The following NCK1 variants were observed in gnomAD, a reference collection of about 807,000 sequenced individuals.
The protein encoded by NCK1 is NCK adaptor protein 1, also known as SH2/SH3 adapter protein NCK1.
A neutral mutation model predicts 36.6 loss-of-function variants in NCK1; 19 were observed. The ratio of observed to expected loss-of-function variants is 0.52; its 90% CI spans 0.36 to 0.76. The LOEUF (loss-of-function observed/expected upper bound fraction) is 0.76. NCK1 is among the 30% of genes least tolerant of loss of function. The pLI is 0.00. For synonymous variants in NCK1, 165 were observed against 156.0 expected (o/e 1.06, Z -0.43); for missense variants, 358 against 445.6 (o/e 0.80, Z 1.77).
chr3:136,936,788 A>C (rs1940542684), intron 2 of NCK1, among the ~76,000 whole-genome samples: 1 of 152,152 alleles, frequency 6.6e-6, no homozygotes, highest in African/African-American at 2.4e-5. Flanking sequence ...AGTTGGAACA[A>C]TCTTTATTCA....
At chr3:136,865,788 T>C (rs990163282) in intron 1 of NCK1, among the ~76,000 whole-genome samples, 1 of 152,250 alleles carries the variant, frequency 6.6e-6, no homozygotes, top group Non-Finnish European at 1.5e-5. Context: ...ACTTTATGTC[T>C]GGCTGATCCT....
intron 1 of NCK1, among the ~76,000 whole-genome samples, chr3:136,866,052 T>C (rs1180848089): frequency 1.3e-5 from 2 of 152,242 alleles, no homozygotes; most frequent in East Asian, 1.9e-4. Flanking sequence ...CTTAGAATTA[T>C]GCTTCAAACA....
chr3:136,936,058 T>C (rs1236647590), intron 2 of NCK1, among the ~76,000 whole-genome samples: 3 of 118,286 alleles, frequency 2.5e-5, no homozygotes, highest in Non-Finnish European at 5.4e-5. Context: ...TTTTTTTTTC[T>C]GAGACAGAGT....
chr3:136,884,959 G>A (rs975739188), intron 1 of NCK1, among the ~76,000 whole-genome samples: 1 of 152,102 alleles, frequency 6.6e-6, no homozygotes, highest in African/African-American at 2.4e-5. Context: ...GACCTCAAGT[G>A]ATCTGCCCAC....
At chr3:136,872,919 T>G (rs986778309) in intron 1 of NCK1, among the ~76,000 whole-genome samples, 1 of 152,186 alleles carries the variant, frequency 6.6e-6, no homozygotes, top group African/African-American at 2.4e-5. Context: ...AGAAGATGTA[T>G]GGAAATGCTT....
chr3:136,926,191 C>T (rs933040045), intron 1 of NCK1, among the ~76,000 whole-genome samples: 1 of 151,694 alleles, frequency 6.6e-6, no homozygotes, highest in Non-Finnish European at 1.5e-5. Context: ...GTTTCTTTAA[C>T]TTTTCTAACT....
intron 1 of NCK1, among the ~76,000 whole-genome samples, chr3:136,922,075 G>A (rs1003856860): frequency 5.3e-5 from 8 of 152,216 alleles, no homozygotes; most frequent in African/African-American, 1.9e-4. Context: ...GAGCCACCGC[G>A]CCCGGCCACT....
intron 2 of NCK1, among the ~76,000 whole-genome samples, chr3:136,929,172 A>G (rs1026893465): frequency 1.3e-5 from 2 of 151,906 alleles, no homozygotes; most frequent in African/African-American, 4.8e-5. Context: ...GGCTCAAGCA[A>G]CCCTCCCACC....
intron 1 of NCK1, among the ~76,000 whole-genome samples, chr3:136,907,349 T>C (rs1939712128): frequency 6.6e-6 from 1 of 151,982 alleles, no homozygotes; most frequent in African/African-American, 2.4e-5. Flanking sequence ...CATGACAAAG[T>C]CTGGTGGGGG....
At chr3:136,928,299 T>TCTGGCAG in intron 2 of NCK1, 72 bp downstream of exon 2, 1 of 1,396,116 alleles carries the variant, frequency 7.2e-7, no homozygotes, top group Non-Finnish European at 9.7e-7. Flanking sequence ...TGTACATAAT[T>TCTGGCAG]CTGGCAGCAG....
chr3:136,923,561 A>G (rs1416516409), intron 1 of NCK1, among the ~76,000 whole-genome samples: 1 of 149,138 alleles, frequency 6.7e-6, no homozygotes, highest in Non-Finnish European at 1.5e-5. Flanking sequence ...CTCCGTCTCA[A>G]ATAAATAAAT....
At chr3:136,886,146 A>G (rs1001675061) in intron 1 of NCK1, among the ~76,000 whole-genome samples, 2 of 152,234 alleles carry the variant, frequency 1.3e-5, no homozygotes, top group African/African-American at 4.8e-5. Flanking sequence ...AGATGGAAGC[A>G]TGGGTTAATA....
In NCK1 at chr3:136,946,227, C is replaced by G. The variant is rs1940818907; in HGVS notation, c.871C>G (p.Gln291Glu). 1.2e-6 allele frequency: 2 copies of G among 1,613,072 alleles called. No individual in the cohort carries two copies. Among genetic ancestry groups the G allele is most frequent in the Non-Finnish European group, 1.7e-6 (2 of 1,179,882 alleles). The change falls in exon 3 of 4, where the codon CAA (glutamine) becomes GAA (glutamate). Residue 291 changes from glutamine (Q) to glutamate (E), a missense_variant. By Grantham distance (29) the Gln-to-Glu change is conservative (BLOSUM62 2). Around this residue, in one of 3 missense-constraint regions of NCK1, gnomAD observed 207 missense variants for 253.4 expected, o/e 0.82. Coordinates refer to ENST00000481752, the MANE Select transcript of NCK1 (RefSeq NM_001291999.2). ...GTATTATGGCAAAGTCACCAGGCATCAAGCAGAAATGGCATTAAATGAAAG... is the reference window on the plus strand; with the variant it reads ...GTATTATGGCAAAGTCACCAGGCATGAAGCAGAAATGGCATTAAATGAAAG... ...PWYYGKVTRH[Q>E]AEMALNERGH...
Position 136,882,863 on chromosome 3 carries a change from A to T in NCK1, c.-19+20510A>T, listed in dbSNP as rs183807988. Among the ~76,000 whole-genome samples the T allele has an allele frequency of 8.5e-5, 13 of 152,294 alleles. No individual in the cohort carries two copies. In the East Asian group the frequency reaches 2.5e-3, roughly 29 times the overall value. ...ATGAAGAGAACACAGTCATTAGTGA[A>T]TACTAGCAGTCTCTTTCACAGCGTG... On this transcript the variant is annotated intron_variant, in intron 1 of 3. Coordinates refer to ENST00000481752, the MANE Select transcript of NCK1 (RefSeq NM_001291999.2).
chr3:136,877,133 A>G (rs1316061030), intron 1 of NCK1, among the ~76,000 whole-genome samples: 1 of 152,216 alleles, frequency 6.6e-6, no homozygotes, highest in Admixed American at 6.5e-5. Context: ...TACATAAAAG[A>G]TTTAAACACT....
At chr3:136,924,568 G>T (rs1940191923) in intron 1 of NCK1, among the ~76,000 whole-genome samples, 1 of 152,216 alleles carries the variant, frequency 6.6e-6, no homozygotes, top group Admixed American at 6.5e-5. Context: ...GATGAAATAA[G>T]TGTTGCAGGA....
chr3:136,890,840 C>T (rs1056712386), intron 1 of NCK1, among the ~76,000 whole-genome samples: 1 of 152,128 alleles, frequency 6.6e-6, no homozygotes, highest in Admixed American at 6.5e-5. Context: ...ATAAGTTTTT[C>T]ATTTTTGCCA....
At chr3:136,928,425 GCCC>G in intron 2 of NCK1, 198 bp downstream of exon 2, 1 of 571,992 alleles carries the variant, frequency 1.7e-6, no homozygotes, top group East Asian at 2.9e-5. Flanking sequence ...GTAAATCTAG[GCCC>G]ATGCTCCAAG....
intron 1 of NCK1, among the ~76,000 whole-genome samples, chr3:136,902,731 A>G (rs1324100238): frequency 1.3e-5 from 2 of 151,482 alleles, no homozygotes; most frequent in African/African-American, 4.9e-5. Context: ...AAGAGGGAAA[A>G]AAAGAAAAGG....
Sources: gnomAD v4.1 joint callset for allele counts (sites outside exome capture counted in the v4.1 genomes callset) on GRCh38, gnomAD v4.1.1 for gene constraint, gnomAD v4.1.1 regional missense constraint, MANE v1.5 for transcripts, NCBI Gene and HGNC (gene_info 2026-07-23, HGNC 2026-07-21) for gene names.